Variants in CTBP2 observed in about 807,000 individuals in gnomAD.
The protein encoded by CTBP2 is C-terminal-binding protein 2.
CTBP2 carries 30 observed loss-of-function variants against 80.3 expected under a neutral mutation model. The observed-to-expected ratio is 0.37, with a 90% CI of 0.28 to 0.51. CTBP2 has a LOEUF of 0.51. CTBP2 is among the 20% of genes least tolerant of loss of function. CTBP2 has a pLI of 0.93. For missense variants in CTBP2, 1,212 were observed against 1,375.3 expected, an observed-to-expected ratio of 0.88 and a Z score of 1.88; for synonymous variants, 594 against 587.4, an observed-to-expected ratio of 1.01 and a Z score of -0.16.
chr10:125,037,799 G>A (rs1408202869), intron 3 of CTBP2, among the ~76,000 whole-genome samples: 1 of 152,220 alleles, frequency 6.6e-6, no homozygotes, highest in Non-Finnish European at 1.5e-5. Context: ...GCCATAGGTA[G>A]TCCAGAGTAA....
intron 3 of CTBP2, chr10:125,000,781 C>CCT (rs1954360026): frequency 6.6e-6 from 1 of 152,328 alleles, no homozygotes; most frequent in Non-Finnish European, 1.5e-5. Context: ...CAGGAGAGGG[C>CCT]CTGCCTGCAG....
chr10:125,148,324 A>AACT (rs1327337924), intron 1 of CTBP2, among the ~76,000 whole-genome samples: 1 of 152,174 alleles, frequency 6.6e-6, no homozygotes, highest in Non-Finnish European at 1.5e-5. Flanking sequence ...CATGCCAAGT[A>AACT]ACCACCAGGT....
intron 1 of CTBP2, among the ~76,000 whole-genome samples, chr10:125,014,120 C>T (rs1440603113): frequency 2.6e-5 from 4 of 152,190 alleles, no homozygotes; most frequent in South Asian, 2.1e-4. Flanking sequence ...AAGGGCACAT[C>T]CAAGCAAGAC....
intron 2 of CTBP2, among the ~76,000 whole-genome samples, chr10:125,093,159 G>A (rs751984092): frequency 4.6e-5 from 7 of 152,162 alleles, no homozygotes; most frequent in Non-Finnish European, 4.4e-5. Flanking sequence ...TCCATCCTGC[G>A]TGCTTTCTAC....
At chr10:124,990,599 C>CTGAT (rs1468568858) in intron 8 of CTBP2, among the ~76,000 whole-genome samples, 3 of 152,216 alleles carry the variant, frequency 2.0e-5, no homozygotes, top group Non-Finnish European at 2.9e-5. Flanking sequence ...TTACTTCTGA[C>CTGAT]TGATAAAATG....
chr10:125,012,703 G>A (rs779906633), intron 1 of CTBP2, among the ~76,000 whole-genome samples: 3 of 152,106 alleles, frequency 2.0e-5, no homozygotes, highest in Non-Finnish European at 4.4e-5. Flanking sequence ...GCAGTGGCGC[G>A]ATCTCGGCTC....
intron 1 of CTBP2, among the ~76,000 whole-genome samples, chr10:125,139,801 G>C (rs1320624548): frequency 6.6e-6 from 1 of 152,202 alleles, no homozygotes; most frequent in Non-Finnish European, 1.5e-5. Flanking sequence ...ATGAGGCCTT[G>C]TGGCTGCCTA....
At chr10:125,110,276 A>G (rs541748333) in intron 2 of CTBP2, among the ~76,000 whole-genome samples, 1 of 152,362 alleles carries the variant, frequency 6.6e-6, no homozygotes, top group South Asian at 2.1e-4. Context: ...GATTAAAATC[A>G]ATTCCATCAG....
chr10:125,086,357 C>T (rs147135459), intron 2 of CTBP2, among the ~76,000 whole-genome samples: 6,074 of 152,158 alleles, frequency 0.04, 185 homozygotes, highest in Middle Eastern at 0.075. Context: ...CACAGCGAAA[C>T]CTCATCTCTA....
At chr10:125,139,994 A>G (rs1433995803) in intron 1 of CTBP2, among the ~76,000 whole-genome samples, 1 of 151,672 alleles carries the variant, frequency 6.6e-6, no homozygotes, top group Non-Finnish European at 1.5e-5. Context: ...CCCTTCCCCA[A>G]CCCTTGCTGA....
chr10:125,145,705 C>T (rs539091841), intron 1 of CTBP2, among the ~76,000 whole-genome samples: 1 of 152,172 alleles, frequency 6.6e-6, no homozygotes, highest in Non-Finnish European at 1.5e-5. Context: ...ACCACCAGCA[C>T]CACCGTCCCT....
intron 2 of CTBP2, among the ~76,000 whole-genome samples, chr10:125,108,746 G>A (rs188662812): frequency 6.6e-6 from 1 of 152,324 alleles, no homozygotes; most frequent in East Asian, 1.9e-4. Context: ...GGCCAGTGGG[G>A]CCACACTCAG....
chr10:125,046,159 C>T (rs1246263992), intron 2 of CTBP2, among the ~76,000 whole-genome samples: 1 of 152,106 alleles, frequency 6.6e-6, no homozygotes, highest in East Asian at 1.9e-4. Flanking sequence ...TCATACTGAC[C>T]CAACTGCATT....
chr10:125,125,161 T>C (rs998118911), intron 1 of CTBP2, among the ~76,000 whole-genome samples: 1 of 152,220 alleles, frequency 6.6e-6, no homozygotes, highest in African/African-American at 2.4e-5. Context: ...TGCTGAACTC[T>C]GTGTAACCCA....
chr10:125,098,864 C>G (rs1234753687), intron 2 of CTBP2, among the ~76,000 whole-genome samples: 1 of 152,054 alleles, frequency 6.6e-6, no homozygotes, highest in Non-Finnish European at 1.5e-5. Context: ...ACAGCAAAGA[C>G]CAAGGGGCTC....
At chr10:125,062,517 A>C (rs1965168613) in intron 2 of CTBP2, among the ~76,000 whole-genome samples, 1 of 152,184 alleles carries the variant, frequency 6.6e-6, no homozygotes. Context: ...CACGCAGCAG[A>C]ACTCAGCGCG....
At chr10:125,063,224 C>T (rs1407887699) in intron 2 of CTBP2, among the ~76,000 whole-genome samples, 3 of 152,328 alleles carry the variant, frequency 2.0e-5, no homozygotes, top group Non-Finnish European at 4.4e-5. Flanking sequence ...AAGCTAATTA[C>T]GTGTTACTCT....
At chr10:125,029,827 T>C (rs182500320), upstream of CTBP2, among the ~76,000 whole-genome samples, 5 of 152,308 alleles carry the variant, frequency 3.3e-5, no homozygotes, top group East Asian at 5.8e-4. Flanking sequence ...CAGGGCTCTA[T>C]AGAAGAATGT....
upstream of CTBP2, among the ~76,000 whole-genome samples, chr10:125,028,911 T>A (rs1223312435): frequency 6.6e-6 from 1 of 152,208 alleles, no homozygotes; most frequent in East Asian, 1.9e-4. Flanking sequence ...AGAACAGCAG[T>A]TATTTAGATA....
Sources: gnomAD v4.1 joint callset for allele counts (sites outside exome capture counted in the v4.1 genomes callset) on GRCh38, gnomAD v4.1.1 for gene constraint, MANE v1.5 for transcripts, NCBI Gene and HGNC (gene_info 2026-07-23, HGNC 2026-07-21) for gene names.